Variants in ERAP1 observed in about 807,000 individuals in gnomAD.
ERAP1 encodes the protein endoplasmic reticulum aminopeptidase 1.
In ERAP1, 86 loss-of-function variants were observed where a neutral mutation model predicts 103.7. The ratio of observed to expected loss-of-function variants is 0.83; its 90% confidence interval spans 0.70 to 0.99. The LOEUF is 0.99. Ranked by LOEUF, ERAP1 falls within the 50% of genes least tolerant of loss-of-function variation. The pLI is 0.00. For synonymous variants in ERAP1, 398 were observed against 402.4 expected (o/e 0.99, Z 0.13); for missense variants, 1,009 against 1,128.4 (o/e 0.89, Z 1.52).
At chr5:96,806,976 GTTTT>G (rs1778689084) in intron 1 of ERAP1, among the ~76,000 whole-genome samples, 2 of 93,570 alleles carry the variant, frequency 2.1e-5, no homozygotes, top group South Asian at 6.0e-4. Flanking sequence ...GTTTTGTTTT[GTTTT>G]GTTTTGTTGT....
chr5:96,803,732 G>A lies in ERAP1; in HGVS notation c.195C>T (p.Leu65=). 1.9e-6 allele frequency: 3 copies of A among 1,614,226 alleles called. No individual in the cohort carries two copies. The highest frequency in any genetic ancestry group is 2.5e-6 in the Non-Finnish European group (3 of 1,180,038). Residue 65 remains leucine, a synonymous_variant, in exon 2 of 19, where the codon CTC becomes CTT. Coordinates refer to ENST00000443439, the MANE Select transcript of ERAP1 (RefSeq NM_001040458.3). ...PEYVIPVHYD[L]LIHANLTTLT... ...GCGTGGTAAGGTTTGCATGGATCAA[G>A]AGATCATAATGAACTGGGATGACGT...
chr5:96,842,937 C>T, the ERAP1 span, among the ~76,000 whole-genome samples: 1 of 152,100 alleles, frequency 6.6e-6, no homozygotes, highest in Non-Finnish European at 1.5e-5. Flanking sequence ...AGTCTTCAAT[C>T]CATCTTGAGT....
chr5:96,857,526 A>G, the ERAP1 span, among the ~76,000 whole-genome samples: 6 of 152,228 alleles, frequency 3.9e-5, no homozygotes, highest in Non-Finnish European at 8.8e-5. Context: ...ATAAAAAACT[A>G]CAAATGCAAC....
chr5:96,886,582 T>G, the ERAP1 span: 4 of 1,321,212 alleles, frequency 3.0e-6, no homozygotes, highest in East Asian at 1.0e-4. Flanking sequence ...CTAACTCACC[T>G]GCCATAAGTC....
rs941732288 is a variant in ERAP1, at chr5:96,781,987, T to C, written c.2286-133A>G. The C allele has an allele frequency of 1.3e-4, 103 of 798,674 alleles. 1 individual carries two copies. Among genetic ancestry groups the C allele is most frequent in the Non-Finnish European group, 2.0e-4 (101 of 494,666 alleles). 49.5% of individuals were successfully genotyped at this position (798,674 alleles called of 1,614,324 possible). ...CATGCCTGGAAATATAAACAAAAACTACTGATTTCCTTCAGTTACAATTTT... is the reference window on the plus strand; with the variant it reads ...CATGCCTGGAAATATAAACAAAAACCACTGATTTCCTTCAGTTACAATTTT... On this transcript the variant is annotated intron_variant, in intron 15 of 18. Coordinates refer to ENST00000443439, the MANE Select transcript of ERAP1 (RefSeq NM_001040458.3).
At position 96,788,580 on chromosome 5, in the gene ERAP1, T is replaced by C; in HGVS notation, c.1630A>G (p.Met544Val). The change falls in exon 11 of 19, where the codon ATG (methionine) becomes GTG (valine). Residue 544 changes from methionine to valine, a missense_variant. By Grantham distance (21) the Met-to-Val change is conservative. This residue lies in a region of ERAP1 where 611 missense variants were observed against 651.7 expected (regional missense o/e 0.94). Transcript: ENST00000443439. ...CCCTTCATGTAGTGCTCTTGCTTCA[T>C]GTGTACATTCCTCCCCCTCACTGTG... The part of the protein sequence containing the change: ...TITVRGRNVH[M>V]KQEHYMKGSD... 1 of 1,614,216 alleles carries C rather than the reference T, an allele frequency of 6.2e-7. No individual in the cohort carries two copies. The highest frequency in any genetic ancestry group is 8.5e-7 in the Non-Finnish European group (1 of 1,180,038).
chr5:96,763,067 C>A (rs1406880427), exon 20 of ERAP1: 2 of 767,170 alleles, frequency 2.6e-6, no homozygotes, highest in Non-Finnish European at 4.8e-6. Context: ...ATCCCCATCT[C>A]CTTTGGTTGA....
chr5:96,783,287 A>T, intron 14 of ERAP1, 52 bp from the exon 15 acceptor site: 1 of 1,526,000 alleles, frequency 6.6e-7, no homozygotes. Context: ...AGGTCATTTC[A>T]TGTTAATATA....
At chr5:96,864,629 C>T in the ERAP1 span, among the ~76,000 whole-genome samples, 4 of 152,002 alleles carry the variant, frequency 2.6e-5, no homozygotes, top group Non-Finnish European at 5.9e-5. Context: ...AAATTTAAGC[C>T]AATTGATTGT....
At chr5:96,837,950 A>G in the ERAP1 span, among the ~76,000 whole-genome samples, 14 of 152,004 alleles carry the variant, frequency 9.2e-5, no homozygotes, top group African/African-American at 3.4e-4. Flanking sequence ...CAACCTGCTT[A>G]TCTCCAATGT....
chr5:96,798,588 T>TTTG (rs1554041743), intron 3 of ERAP1, among the ~76,000 whole-genome samples: 1 of 151,456 alleles, frequency 6.6e-6, no homozygotes, highest in Admixed American at 6.6e-5. Context: ...CATCTTTTTT[T>TTTG]TTTGTTTTGA....
At position 96,793,848 on chromosome 5, in the gene ERAP1, A is replaced by G; in HGVS notation, c.1029T>C (p.Ser343=). 6.2e-7 allele frequency: 1 copy of G among 1,614,160 alleles called. No individual in the cohort carries two copies. Among genetic ancestry groups the G allele is most frequent in the African/African-American group, 1.3e-5 (1 of 75,072 alleles). The change falls in exon 6 of 19, where the codon AGT becomes AGC. Residue 343 remains serine (S), a synonymous_variant. Transcript: ENST00000443439. ...CCACAGTCATTGTGATGCCAAGCTTACTTGATGCAGAAGACTTTTCTGCAT... is the reference window on the plus strand; with the variant it reads ...CCACAGTCATTGTGATGCCAAGCTTGCTTGATGCAGAAGACTTTTCTGCAT... ...LFDAEKSSAS[S]KLGITMTVAH... is the part of the protein sequence containing the mutation.
chr5:96,768,077 A>AT, intron 19 of ERAP1: 1 of 943,902 alleles, frequency 1.1e-6, no homozygotes, highest in Non-Finnish European at 1.7e-6. Context: ...TTATTTATTG[A>AT]TTGATCTATC....
chr5:96,850,678 C>A, the ERAP1 span, among the ~76,000 whole-genome samples: 2 of 152,020 alleles, frequency 1.3e-5, no homozygotes, highest in African/African-American at 4.8e-5. Flanking sequence ...GTTAATTAGC[C>A]GGATTCACTC....
chr5:96,920,442 C>A, the ERAP1 span, among the ~76,000 whole-genome samples: 1 of 152,136 alleles, frequency 6.6e-6, no homozygotes, highest in Non-Finnish European at 1.5e-5. Context: ...TGGCCAGAAA[C>A]TACTGCAAGG....
chr5:96,926,924 C>T, the ERAP1 span, among the ~76,000 whole-genome samples: 1 of 152,186 alleles, frequency 6.6e-6, no homozygotes, highest in Non-Finnish European at 1.5e-5. Context: ...TCAAGCGAAC[C>T]TCCCGCCTCA....
the ERAP1 span, among the ~76,000 whole-genome samples, chr5:96,849,166 C>A: frequency 2.9e-3 from 442 of 152,220 alleles, 8 homozygotes; most frequent in African/African-American, 9.3e-3. Flanking sequence ...CCAGAGCTAA[C>A]ATGATACTCA....
At chr5:96,901,727 C>G in the ERAP1 span, 24 of 1,579,338 alleles carry the variant, frequency 1.5e-5, 1 homozygote, top group Middle Eastern at 4.1e-4. Flanking sequence ...ATCTCAGTTT[C>G]CTCGTTATTT....
At chr5:96,762,196 G>A (rs773486422) in exon 20 of ERAP1, 40 of 789,978 alleles carry the variant, frequency 5.1e-5, no homozygotes, top group Non-Finnish European at 7.9e-5. Context: ...CTATCTTTAA[G>A]AGTTATAGTT....
Sources: allele counts gnomAD v4.1 joint callset (sites outside exome capture counted in the v4.1 genomes callset), GRCh38; gene constraint gnomAD v4.1.1; regional missense constraint gnomAD v4.1.1; transcripts MANE v1.5; gene names NCBI Gene and HGNC (gene_info 2026-07-23, HGNC 2026-07-21).